SMIM41: variants seen among roughly 807,000 people sequenced by gnomAD.
SMIM41 encodes small integral membrane protein 41.
chr12:52,086,372 GT>G (rs5798198), intron 2 of SMIM41, among the ~76,000 whole-genome samples: 32,052 of 152,114 alleles, frequency 0.21, 4,166 homozygotes, highest in East Asian at 0.45. Flanking sequence ...GTTGCCTCTG[GT>G]TCTGCGAGCC....
chr12:52,097,542 G>A (rs1421173991), intron 2 of SMIM41, among the ~76,000 whole-genome samples: 4 of 152,106 alleles, frequency 2.6e-5, no homozygotes, highest in African/African-American at 4.8e-5. Context: ...GACACACAGT[G>A]TATTTACAAT....
chr12:52,080,734 G>A (rs1057329336), intron 1 of SMIM41, among the ~76,000 whole-genome samples: 1 of 152,216 alleles, frequency 6.6e-6, no homozygotes, highest in East Asian at 1.9e-4. Flanking sequence ...GGTGCTTGAG[G>A]GAGATTCCTT....
rs118022132 is a variant in SMIM41 at position 52,085,161 on chromosome 12, A to G, written c.*195+1193A>G. On this transcript the variant is annotated intron_variant, in intron 2 of 2. Transcript: ENST00000546390. ...GGAGCGTATTGTCCCATGTAACTGA[A>G]AAGTCTAAGGGTGGTTCTGGCCACA... Among the ~76,000 whole-genome samples, 1,474 of 152,332 alleles carry G rather than the reference A, an allele frequency of 9.7e-3. 10 individuals carry two copies. Among genetic ancestry groups the G allele is most frequent in the Non-Finnish European group, 0.015 (1,025 of 68,030 alleles).
intron 2 of SMIM41, among the ~76,000 whole-genome samples, chr12:52,099,446 A>AC (rs1343197182): frequency 1.3e-5 from 2 of 150,522 alleles, no homozygotes. Flanking sequence ...TTGGTGTAAA[A>AC]CCCCCTGTGA....
At chr12:52,095,198 T>G (rs1940069123) in intron 2 of SMIM41, among the ~76,000 whole-genome samples, 1 of 151,728 alleles carries the variant, frequency 6.6e-6, no homozygotes, top group African/African-American at 2.4e-5. Context: ...TCCACGCTCC[T>G]TGGTCTCCCC....
chr12:52,095,629 C>T (rs1378583901), intron 2 of SMIM41, among the ~76,000 whole-genome samples: 3 of 151,990 alleles, frequency 2.0e-5, no homozygotes, highest in Admixed American at 6.5e-5. Flanking sequence ...CCACCCCATG[C>T]GATATTGAAA....
At chr12:52,080,656 G>A (rs961344547) in intron 1 of SMIM41, among the ~76,000 whole-genome samples, 1 of 152,210 alleles carries the variant, frequency 6.6e-6, no homozygotes, top group Non-Finnish European at 1.5e-5. Flanking sequence ...CCCACTCCAC[G>A]GGGCTGAGGA....
chr12:52,089,479 A>C (rs1939954224), intron 2 of SMIM41, among the ~76,000 whole-genome samples: 1 of 152,102 alleles, frequency 6.6e-6, no homozygotes, highest in African/African-American at 2.4e-5. Context: ...GGTGCATGCC[A>C]GCTACTCTGG....
chr12:52,105,220 C>T (rs1303851456), intron 2 of SMIM41, among the ~76,000 whole-genome samples: 3,810 of 140,746 alleles, frequency 0.027, no homozygotes, highest in African/African-American at 0.084. Context: ...GCCACAATCA[C>T]TGTGTCAAGT....
chr12:52,098,534 G>A (rs977932325), intron 2 of SMIM41, among the ~76,000 whole-genome samples: 5 of 144,920 alleles, frequency 3.5e-5, no homozygotes, highest in Admixed American at 2.1e-4. Flanking sequence ...CGTACACCCC[G>A]TTTGATATTT....
intron 2 of SMIM41, among the ~76,000 whole-genome samples, chr12:52,103,341 CAAAAT>C (rs1804765935): frequency 1.0e-5 from 1 of 98,598 alleles, no homozygotes; most frequent in Admixed American, 1.0e-4. Flanking sequence ...CAAAATGAAA[CAAAAT>C]AAAATAAAAC....
At chr12:52,089,669 C>T (rs1329586798) in intron 2 of SMIM41, among the ~76,000 whole-genome samples, 1 of 152,200 alleles carries the variant, frequency 6.6e-6, no homozygotes, top group East Asian at 1.9e-4. Flanking sequence ...GCCTCCGCCT[C>T]GCTTCCGGTG....
intron 2 of SMIM41, among the ~76,000 whole-genome samples, chr12:52,105,873 C>T (rs975275739): frequency 6.6e-6 from 1 of 152,222 alleles, no homozygotes; most frequent in Non-Finnish European, 1.5e-5. Flanking sequence ...ATCCTTTCTA[C>T]TTATCTGTAT....
rs1229953168 is a variant in SMIM41, at chr12:52,096,493, T to A, written c.*196-10886T>A. ...TTAGGAGTAATATTAGTATTAATTA[T>A]TACTCATTTATTATTAACATTAATA... is the stretch of plus-strand genomic sequence containing the variant. On this transcript the variant is annotated intron_variant, in intron 2 of 2. Coordinates refer to ENST00000546390, the MANE Select transcript of SMIM41 (RefSeq NM_001369216.1). 2.0e-5 allele frequency among the ~76,000 whole-genome samples: 3 copies of A among 152,052 alleles called. No homozygotes were observed. The East Asian group carries it at 5.8e-4, about 29-fold the overall frequency.
intron 2 of SMIM41, among the ~76,000 whole-genome samples, chr12:52,093,909 T>C (rs963466512): frequency 1.3e-5 from 2 of 152,040 alleles, no homozygotes; most frequent in Non-Finnish European, 2.9e-5. Context: ...GGCAGGTGGA[T>C]CACCTGAGGT....
Position 52,084,311 on chromosome 12 carries a change from A to G in SMIM41, c.*195+343A>G, listed in dbSNP as rs1429943060. On this transcript the variant is annotated intron_variant, in intron 2 of 2. Transcript: ENST00000546390. ...GGTTGCAGTGAGCCGCGATCGTGCCACTACACTCCAGCCTGGGTGACAAAG... is the reference window on the plus strand; with the variant it reads ...GGTTGCAGTGAGCCGCGATCGTGCCGCTACACTCCAGCCTGGGTGACAAAG... Among the ~76,000 whole-genome samples the G allele has an allele frequency of 2.0e-5, 3 of 151,994 alleles. No individual in the cohort carries two copies. The East Asian group carries it at 5.8e-4, about 29-fold the overall frequency.
At chr12:52,086,010 G>A (rs945611696) in intron 2 of SMIM41, among the ~76,000 whole-genome samples, 1 of 152,220 alleles carries the variant, frequency 6.6e-6, no homozygotes, top group African/African-American at 2.4e-5. Flanking sequence ...GCTGCTGGAG[G>A]TGGAAAGTAA....
At chr12:52,086,742 T>A (rs1458210216) in intron 2 of SMIM41, among the ~76,000 whole-genome samples, 1 of 152,224 alleles carries the variant, frequency 6.6e-6, no homozygotes, top group Non-Finnish European at 1.5e-5. Context: ...ACTCTGACAT[T>A]GTCACTCTGG....
chr12:52,102,540 C>T (rs867889345), intron 2 of SMIM41, among the ~76,000 whole-genome samples: 80 of 152,250 alleles, frequency 5.3e-4, no homozygotes, highest in South Asian at 2.9e-3. Flanking sequence ...CAACAAGAAA[C>T]CCAAAGCATC....
Sources: gnomAD v4.1 joint callset for allele counts (sites outside exome capture counted in the v4.1 genomes callset) on GRCh38, gnomAD v4.1.1 for gene constraint, MANE v1.5 for transcripts, NCBI Gene and HGNC (gene_info 2026-07-23, HGNC 2026-07-21) for gene names.